AGBL4: variants seen among roughly 807,000 people sequenced by gnomAD.
AGBL4 encodes the protein cytosolic carboxypeptidase 6.
Under a neutral mutation model 66.4 loss-of-function variants are expected in AGBL4, and 58 were observed. That is an observed-to-expected ratio of 0.87 (90% CI 0.71 to 1.09). The LOEUF (loss-of-function observed/expected upper bound fraction) is 1.09. Ranked by LOEUF, AGBL4 falls within the 50% of genes least tolerant of loss-of-function variation. The pLI is 0.00. For synonymous variants in AGBL4, 234 were observed against 222.9 expected (o/e 1.05, Z -0.44); for missense variants, 579 against 631.0 (o/e 0.92, Z 0.88).
chr1:49,006,178 G>T (rs186400521), intron 5 of AGBL4, among the ~76,000 whole-genome samples: 1 of 152,032 alleles, frequency 6.6e-6, no homozygotes, highest in Non-Finnish European at 1.5e-5. Context: ...TGCACCGTGC[G>T]CGAGCCAAAG....
intron 1 of AGBL4, among the ~76,000 whole-genome samples, chr1:49,928,453 G>A (rs1653010755): frequency 6.6e-6 from 1 of 152,022 alleles, no homozygotes; most frequent in African/African-American, 2.4e-5. Flanking sequence ...GTTTCCCCAT[G>A]TTGGCCAGGA....
At chr1:49,578,698 T>C (rs1470079733) in intron 3 of AGBL4, among the ~76,000 whole-genome samples, 1 of 152,316 alleles carries the variant, frequency 6.6e-6, no homozygotes, top group Admixed American at 6.5e-5. Flanking sequence ...GGGTTGGGGA[T>C]TGGTGCATTT....
At chr1:49,511,083 T>G (rs573986348) in intron 3 of AGBL4, among the ~76,000 whole-genome samples, 63 of 151,832 alleles carry the variant, frequency 4.1e-4, no homozygotes, top group East Asian at 9.7e-4. Context: ...AATACCATTT[T>G]ACCCAGCCAT....
intron 1 of AGBL4, among the ~76,000 whole-genome samples, chr1:49,858,677 G>A: frequency 6.6e-6 from 1 of 152,032 alleles, no homozygotes; most frequent in Non-Finnish European, 1.5e-5. Context: ...AGCTCACCAA[G>A]ACCAATAATC....
intron 3 of AGBL4, among the ~76,000 whole-genome samples, chr1:49,413,551 T>G (rs1302914073): frequency 1.3e-5 from 2 of 152,168 alleles, no homozygotes; most frequent in Non-Finnish European, 2.9e-5. Flanking sequence ...TTGCAAAGAA[T>G]AAAAAGTTCA....
chr1:49,633,167 T>G (rs572582435), intron 3 of AGBL4, among the ~76,000 whole-genome samples: 2 of 151,734 alleles, frequency 1.3e-5, no homozygotes, highest in Non-Finnish European at 2.9e-5. Context: ...AGAGAGAAAA[T>G]ACATTAGCCA....
chr1:48,777,429 C>A (rs565198433), intron 6 of AGBL4, among the ~76,000 whole-genome samples: 7 of 152,134 alleles, frequency 4.6e-5, no homozygotes, highest in South Asian at 2.1e-4. Flanking sequence ...CCCGCGCCCC[C>A]AGCCCCGCAC....
At chr1:49,019,139 T>C (rs1663050724) in intron 5 of AGBL4, among the ~76,000 whole-genome samples, 1 of 152,170 alleles carries the variant, frequency 6.6e-6, no homozygotes, top group African/African-American at 2.4e-5. Flanking sequence ...GAGTTCTCTG[T>C]GCCTGAAAGA....
chr1:48,995,665 A>G (rs1268539174), intron 5 of AGBL4, among the ~76,000 whole-genome samples: 1 of 152,244 alleles, frequency 6.6e-6, no homozygotes, highest in African/African-American at 2.4e-5. Flanking sequence ...CCAAAAAATG[A>G]AAACTTTCCT....
chr1:49,281,365 G>T (rs1337950866), intron 3 of AGBL4, among the ~76,000 whole-genome samples: 1 of 152,188 alleles, frequency 6.6e-6, no homozygotes, highest in Non-Finnish European at 1.5e-5. Context: ...GGCTGGCTTG[G>T]GGGTTTATGG....
In AGBL4 at chr1:49,913,075, C is replaced by T. The variant is rs376283266; in HGVS notation, c.35-61557G>A. The stretch of plus-strand genomic sequence containing the variant: ...GGCACCCCAAATCTCATTTCCTTTG[C>T]ACATACAAAATACATTTATTCTGTC... On this transcript the variant is annotated intron_variant, in intron 1 of 13. Transcript: ENST00000371839. Among the ~76,000 whole-genome samples, 50 of 152,282 alleles carry T rather than the reference C, an allele frequency of 3.3e-4. 1 individual carries two copies. In the South Asian group the frequency reaches 9.5e-3, roughly 29 times the overall value.
At chr1:49,524,288 C>T (rs758161608) in intron 3 of AGBL4, among the ~76,000 whole-genome samples, 18 of 152,150 alleles carry the variant, frequency 1.2e-4, no homozygotes, top group East Asian at 3.9e-4. Flanking sequence ...TCACAACACT[C>T]GTATCAGGTA....
intron 11 of AGBL4, among the ~76,000 whole-genome samples, chr1:48,540,023 T>C (rs1390260088): frequency 1.3e-5 from 2 of 152,148 alleles, no homozygotes; most frequent in Admixed American, 6.5e-5. Context: ...TAGGGAGTCA[T>C]AACCCAAAGC....
At chr1:49,310,957 G>T (rs536979145) in intron 3 of AGBL4, among the ~76,000 whole-genome samples, 1 of 152,114 alleles carries the variant, frequency 6.6e-6, no homozygotes, top group Admixed American at 6.6e-5. Context: ...AAACCAGGCA[G>T]CCAGGCTCCA....
In AGBL4 at chr1:48,720,588, G is replaced by A. The variant is rs570151528; in HGVS notation, c.635-57347C>T. Reference sequence around the variant, plus strand: ...AAATGGTAATAGTACCTGCTTCACAGGTTTGTGTGAGAATGAAAAAGTGAA... The same window carrying A: ...AAATGGTAATAGTACCTGCTTCACAAGTTTGTGTGAGAATGAAAAAGTGAA... On this transcript the variant is annotated intron_variant, in intron 6 of 13. Coordinates refer to ENST00000371839, the MANE Select transcript of AGBL4 (RefSeq NM_032785.4). 2.0e-5 allele frequency among the ~76,000 whole-genome samples: 3 copies of A among 152,278 alleles called. No individual in the cohort carries two copies. In the South Asian group the frequency reaches 6.2e-4, roughly 32 times the overall value.
chr1:49,352,211 T>C (rs77126913), intron 3 of AGBL4, among the ~76,000 whole-genome samples: 2,175 of 152,150 alleles, frequency 0.014, 29 homozygotes, highest in Non-Finnish European at 0.023. Context: ...AATTGGAAAA[T>C]AGTTATTTAT....
At chr1:49,813,881 T>G (rs560378282) in intron 2 of AGBL4, among the ~76,000 whole-genome samples, 2 of 152,102 alleles carry the variant, frequency 1.3e-5, no homozygotes, top group African/African-American at 2.4e-5. Flanking sequence ...TCCTTACATG[T>G]TATGGGAGGC....
chr1:48,727,839 A>G (rs1391526082), intron 6 of AGBL4: 2 of 1,547,630 alleles, frequency 1.3e-6, no homozygotes, highest in Non-Finnish European at 1.8e-6. Flanking sequence ...CTCGCAAATC[A>G]CATGCCACAC....
intron 2 of AGBL4, among the ~76,000 whole-genome samples, chr1:49,795,371 A>G (rs1440756260): frequency 6.6e-6 from 1 of 152,042 alleles, no homozygotes; most frequent in Non-Finnish European, 1.5e-5. Context: ...CCCATCAGGA[A>G]CTAAGTAAAG....
Sources: allele counts gnomAD v4.1 joint callset (sites outside exome capture counted in the v4.1 genomes callset), GRCh38; gene constraint gnomAD v4.1.1; transcripts MANE v1.5; gene names NCBI Gene and HGNC (gene_info 2026-07-23, HGNC 2026-07-21).